Variants in ORC1 observed in about 807,000 individuals in gnomAD.
ORC1 encodes the protein origin recognition complex subunit 1, also known as origin recognition complex, subunit 1 homolog.
Under a neutral mutation model 98.9 loss-of-function variants are expected in ORC1, and 61 were observed. The observed-to-expected ratio is 0.62, with a 90% CI of 0.50 to 0.76. The LOEUF is 0.76. ORC1 is among the 30% of genes least tolerant of loss of function. The pLI, the probability that ORC1 is intolerant of heterozygous loss-of-function variation, is 0.00. For missense variants in ORC1, 979 were observed against 1,072.2 expected (o/e 0.91, Z 1.21); for synonymous variants, 385 against 406.9 (o/e 0.95, Z 0.65).
rs759617026 is a variant in ORC1 at position 52,392,048 on chromosome 1, A to T, written c.1082+1395T>A. Among the ~76,000 whole-genome samples the T allele has an allele frequency of 9.8e-5, 15 of 152,310 alleles. 1 individual carries two copies. In the South Asian group the frequency reaches 3.1e-3, roughly 32 times the overall value. On this transcript the variant is annotated intron_variant, in intron 6 of 16. Transcript: ENST00000371568. ...AAATGCAAATTAAAACCACAATGAA[A>T]TACCACCTTATTCCTGTTAGAATGG...
chr1:52,380,704 A>G (rs920757308), intron 14 of ORC1, among the ~76,000 whole-genome samples: 2 of 152,176 alleles, frequency 1.3e-5, no homozygotes, highest in Non-Finnish European at 2.9e-5. Context: ...CAAAAAAAAA[A>G]AAAAGGGTGG....
rs750619247 is a variant in ORC1 at position 52,374,833 on chromosome 1, G to C, written c.2368C>G (p.Leu790Val). 1 of 1,613,480 alleles carries C rather than the reference G, an allele frequency of 6.2e-7. No homozygotes were observed. The highest frequency in any genetic ancestry group is 1.7e-5 in the Admixed American group (1 of 60,020). Reference sequence around the variant, plus strand: ...ACCTGTTGAAACGTGGCTTCCTCCAGTCCTGATCGACGGAACTCTGCGAGG... The same window carrying C: ...ACCTGTTGAAACGTGGCTTCCTCCACTCCTGATCGACGGAACTCTGCGAGG... ...AILAEFRRSG[L>V]EEATFQQIYS... is the part of the protein sequence containing the mutation. Residue 790 changes from leucine (L) to valine (V), a missense_variant, in exon 16 of 17, where the codon CTG (leucine) becomes GTG (valine). By Grantham distance (32) the Leu-to-Val change is conservative. Transcript: ENST00000371568.
chr1:52,381,930 G>A (rs1375768515), intron 13 of ORC1, among the ~76,000 whole-genome samples, 169 bp from the exon 14 acceptor site: 1 of 152,250 alleles, frequency 6.6e-6, no homozygotes, highest in East Asian at 1.9e-4. Flanking sequence ...GTGGTGTCCT[G>A]TAGGGCAGTA....
At chr1:52,381,570 A>AT (rs1647070125) in intron 14 of ORC1, 72 bp downstream of exon 14, 3 of 1,533,068 alleles carry the variant, frequency 2.0e-6, no homozygotes, top group Non-Finnish European at 2.7e-6. Context: ...GAGCACCAGC[A>AT]TAGGGCCTCA....
intron 3 of ORC1, among the ~76,000 whole-genome samples, chr1:52,398,222 C>G (rs1280497169): frequency 1.4e-5 from 2 of 146,222 alleles, no homozygotes; most frequent in Non-Finnish European, 3.0e-5. Context: ...CCTTGGCCTC[C>G]CAAAGTGCTG....
At chr1:52,408,172 G>A (rs192234846), upstream of ORC1, 14 of 330,206 alleles carry the variant, frequency 4.2e-5, no homozygotes, top group Middle Eastern at 1.1e-3. Context: ...CCCAGGAGGC[G>A]GAGGTTGCAG....
upstream of ORC1, chr1:52,404,560 C>T: frequency 1.8e-6 from 1 of 550,636 alleles, no homozygotes; most frequent in Non-Finnish European, 3.2e-6. Context: ...ATGCAGCCGC[C>T]ATCATTGATT....
At chr1:52,406,684 G>A (rs781089215), upstream of ORC1, among the ~76,000 whole-genome samples, 11 of 152,196 alleles carry the variant, frequency 7.2e-5, no homozygotes, top group East Asian at 5.8e-4. Flanking sequence ...CCGTATTACC[G>A]ATTCTCGAGG....
chr1:52,376,795 A>C (rs1357832639), intron 14 of ORC1, among the ~76,000 whole-genome samples: 1 of 152,072 alleles, frequency 6.6e-6, no homozygotes, highest in African/African-American at 2.4e-5. Context: ...TGGCAACCCT[A>C]TGCATCCCTT....
chr1:52,373,478 G>C, intron 16 of ORC1, 103 bp from the exon 17 acceptor site: 5 of 987,876 alleles, frequency 5.1e-6, no homozygotes, highest in Non-Finnish European at 7.8e-6. Flanking sequence ...ATGGCCCCCA[G>C]GATATCAAAC....
At chr1:52,405,500 CTATTT>C (rs1387087125), upstream of ORC1, among the ~76,000 whole-genome samples, 1 of 152,152 alleles carries the variant, frequency 6.6e-6, no homozygotes, top group Admixed American at 6.5e-5. Context: ...AGCAGGGTAC[CTATTT>C]TATTATCCAT....
intron 6 of ORC1, among the ~76,000 whole-genome samples, chr1:52,392,845 G>T (rs192378944): frequency 6.6e-6 from 1 of 152,312 alleles, no homozygotes; most frequent in African/African-American, 2.4e-5. Flanking sequence ...TTATAAGTGG[G>T]AGCTAAGCTA....
chr1:52,375,196 C>T (rs966221347), intron 15 of ORC1, among the ~76,000 whole-genome samples: 2 of 148,120 alleles, frequency 1.4e-5, no homozygotes, highest in Admixed American at 1.4e-4. Flanking sequence ...CAGCTGCTTC[C>T]TTTTTTTTTT....
rs1252191763 is a variant in ORC1 at position 52,403,697 on chromosome 1, C to CGT, written c.-6+548_-6+549insAC. On this transcript the variant is annotated intron_variant, in intron 1 of 16. Transcript: ENST00000371568. The stretch of plus-strand genomic sequence containing the variant: ...AAAAGAGAAGTAGGAAGGGGGCCAC[C>CGT]AGACTTCTCTTCTGAAAAGAAGGTG... Among the ~76,000 whole-genome samples, 6 of 152,098 alleles carry CGT rather than the reference C, an allele frequency of 3.9e-5. No individual in the cohort carries two copies. The East Asian group carries it at 1.2e-3, about 29-fold the overall frequency.
intron 6 of ORC1, among the ~76,000 whole-genome samples, chr1:52,390,657 G>A (rs774311877): frequency 1.3e-5 from 2 of 151,968 alleles, no homozygotes; most frequent in Admixed American, 6.6e-5. Flanking sequence ...ATGGGAAGCC[G>A]AGGTGGGTGG....
chr1:52,393,363 T>A, intron 6 of ORC1, 80 bp downstream of exon 6: 7 of 1,594,440 alleles, frequency 4.4e-6, no homozygotes. Flanking sequence ...ACTACTGTTC[T>A]AACTTTTTTG....
At chr1:52,377,044 C>CA (rs1413256521) in intron 14 of ORC1, among the ~76,000 whole-genome samples, 2 of 152,100 alleles carry the variant, frequency 1.3e-5, no homozygotes, top group Admixed American at 1.3e-4. Flanking sequence ...ATTTTTGAGA[C>CA]AGAGTTTCAC....
In ORC1 at chr1:52,388,629, C is replaced by A; in HGVS notation, c.1196G>T (p.Gly399Val). The A allele has an allele frequency of 6.2e-7, 1 of 1,613,382 alleles. No homozygotes were observed. Among genetic ancestry groups the A allele is most frequent in the East Asian group, 2.2e-5 (1 of 44,876 alleles). The part of the protein sequence containing the change: ...NRIRQQLRFL[G>V]NSKSDQEEKE... Reference sequence around the variant, plus strand: ...CTCTTCTTGGTCACTTTTACTATTACCTAGAAACCTGAATGGTAGGGACAT... The same window carrying A: ...CTCTTCTTGGTCACTTTTACTATTAACTAGAAACCTGAATGGTAGGGACAT... The change falls in exon 8 of 17, where the codon GGT (glycine) becomes GTT (valine). Residue 399 changes from glycine (G) to valine (V), a missense_variant. Transcript: ENST00000371568.
chr1:52,386,846 G>A (rs1403310263), intron 8 of ORC1, among the ~76,000 whole-genome samples: 1 of 152,146 alleles, frequency 6.6e-6, no homozygotes, highest in Non-Finnish European at 1.5e-5. Context: ...AGCTACTTGG[G>A]AGGCTGAGGT....
Sources: gnomAD v4.1 joint callset for allele counts (sites outside exome capture counted in the v4.1 genomes callset) on GRCh38, gnomAD v4.1.1 for gene constraint, MANE v1.5 for transcripts, NCBI Gene and HGNC (gene_info 2026-07-23, HGNC 2026-07-21) for gene names.